ATP6V0A1: variants seen among roughly 807,000 people sequenced by gnomAD.
ATP6V0A1 encodes the protein V-type proton ATPase 116 kDa subunit a 1.
Under a neutral mutation model 105.4 loss-of-function variants are expected in ATP6V0A1, and 43 were observed. The ratio of observed to expected loss-of-function variants is 0.41; its 90% CI spans 0.32 to 0.53. ATP6V0A1 has a LOEUF of 0.53. Ranked by LOEUF, ATP6V0A1 falls within the 20% of genes least tolerant of loss-of-function variation. The probability of loss-of-function intolerance (pLI) is 0.30; values close to 1 mark genes in which losing one functional copy is unlikely to be tolerated. For synonymous variants in ATP6V0A1, 362 were observed against 372.8 expected, an observed-to-expected ratio of 0.97 and a Z score of 0.33; for missense variants, 676 against 1,051.1, an observed-to-expected ratio of 0.64 and a Z score of 4.93.
chr17:42,466,241 G>A lies in ATP6V0A1; in HGVS notation c.118-188G>A, dbSNP rs552701369. ...CAGTAATGTTGCAGCAACGAGGGAG[G>A]AAGTTTTTATCCTTAGCTGGTGTGA... On this transcript the variant is annotated intron_variant, in intron 2 of 21. Coordinates refer to ENST00000343619, the MANE Select transcript of ATP6V0A1 (RefSeq NM_001130021.3). 2.6e-5 allele frequency among the ~76,000 whole-genome samples: 4 copies of A among 152,298 alleles called. No individual in the cohort carries two copies. In the East Asian group the frequency reaches 7.7e-4, roughly 29 times the overall value.
At chr17:42,476,821 TTA>T (rs1290124634) in intron 5 of ATP6V0A1, among the ~76,000 whole-genome samples, 1 of 152,218 alleles carries the variant, frequency 6.6e-6, no homozygotes, top group Non-Finnish European at 1.5e-5. Context: ...TTCCTTCACT[TTA>T]CTTGATTCTT....
chr17:42,515,037 G>A (rs1482109350), intron 21 of ATP6V0A1, among the ~76,000 whole-genome samples: 1 of 152,118 alleles, frequency 6.6e-6, no homozygotes, highest in Non-Finnish European at 1.5e-5. Context: ...GGTTCTGTTT[G>A]TTTTCTTTAA....
intron 17 of ATP6V0A1, among the ~76,000 whole-genome samples, chr17:42,505,529 G>A (rs375607004): frequency 3.3e-5 from 5 of 150,094 alleles, no homozygotes; most frequent in African/African-American, 5.0e-5. Flanking sequence ...TAGGAGAGAC[G>A]GGGTTTCACC....
intron 19 of ATP6V0A1, chr17:42,513,645 C>T (rs1041558346): frequency 1.9e-5 from 11 of 565,590 alleles, no homozygotes; most frequent in South Asian, 8.3e-5. Flanking sequence ...CAGGTGAGGG[C>T]TAAGTCAGGC....
chr17:42,491,667 G>A (rs566599760), intron 11 of ATP6V0A1, among the ~76,000 whole-genome samples: 27 of 152,204 alleles, frequency 1.8e-4, no homozygotes, highest in African/African-American at 6.5e-4. Flanking sequence ...ATTTTTAGTC[G>A]AGACGGGGTT....
At chr17:42,495,557 C>T (rs1357709101) in intron 13 of ATP6V0A1, 69 bp from the exon 14 acceptor site, 3 of 1,210,176 alleles carry the variant, frequency 2.5e-6, no homozygotes, top group Non-Finnish European at 2.4e-6. Flanking sequence ...ATTTTGGGGT[C>T]AGTTTCTGGA....
chr17:42,487,328 C>T lies in ATP6V0A1; in HGVS notation c.984C>T (p.Thr328=), dbSNP rs753296379. ...TTGCAGAGGTCTGGTGCCCTGTCAC[C>T]GACCTTGACTCCATCCAGTTTGCAC... The part of the protein sequence containing the change: ...CLIAEVWCPV[T]DLDSIQFALR... Residue 328 remains threonine, a synonymous_variant, in exon 10 of 22, where the codon ACC becomes ACT. Transcript: ENST00000343619. The T allele has an allele frequency of 8.1e-6, 13 of 1,614,106 alleles. No individual in the cohort carries two copies. Among genetic ancestry groups the T allele is most frequent in the Admixed American group, 5.0e-5 (3 of 60,014 alleles).
chr17:42,461,153 G>C (rs965722898), intron 2 of ATP6V0A1, 142 bp downstream of exon 2: 1 of 739,884 alleles, frequency 1.4e-6, no homozygotes, highest in Non-Finnish European at 2.3e-6. Context: ...TGCACATTTT[G>C]AGTTGTCTTT....
chr17:42,466,684 A>C (rs1242363184), intron 3 of ATP6V0A1, among the ~76,000 whole-genome samples, 177 bp downstream of exon 3: 1 of 152,240 alleles, frequency 6.6e-6, no homozygotes, highest in Non-Finnish European at 1.5e-5. Context: ...CTTTGGGCTA[A>C]GTAGTGCTTA....
chr17:42,518,404 C>G (rs1210728946), intron 21 of ATP6V0A1: 1 of 152,258 alleles, frequency 6.6e-6, no homozygotes, highest in East Asian at 1.9e-4. Context: ...AATGTAGTTC[C>G]AGGCTGCCAT....
intron 5 of ATP6V0A1, among the ~76,000 whole-genome samples, chr17:42,476,793 G>A (rs1440995400): frequency 6.6e-6 from 1 of 152,068 alleles, no homozygotes; most frequent in African/African-American, 2.4e-5. Context: ...CTCTAGTTTG[G>A]TTTATTATCT....
rs2090013471 is a variant in ATP6V0A1, at chr17:42,485,493, G to A, written c.811-1662G>A. 2.0e-5 allele frequency among the ~76,000 whole-genome samples: 3 copies of A among 152,140 alleles called. No individual in the cohort carries two copies. In the East Asian group the frequency reaches 5.8e-4, roughly 29 times the overall value. ...ACGGCAAATAGAACATTGCTTGCTA[G>A]TTTCTTTAGCATCCTTCTAGAAGAA... On this transcript the variant is annotated intron_variant, in intron 9 of 21. Coordinates refer to ENST00000343619, the MANE Select transcript of ATP6V0A1 (RefSeq NM_001130021.3).
intron 10 of ATP6V0A1, among the ~76,000 whole-genome samples, chr17:42,489,148 C>G (rs1273387779): frequency 6.6e-6 from 1 of 150,510 alleles, no homozygotes; most frequent in Non-Finnish European, 1.5e-5. Context: ...TCTCGGCTCA[C>G]TGCAACCTCC....
intron 10 of ATP6V0A1, 25 bp downstream of exon 10, chr17:42,487,392 A>C (rs772926769): frequency 2.0e-4 from 320 of 1,608,710 alleles, no homozygotes; most frequent in Admixed American, 4.0e-4. Context: ...CTAACAATGC[A>C]GCTCGTGGCC....
chr17:42,506,144 T>G (rs1046636824), intron 17 of ATP6V0A1, among the ~76,000 whole-genome samples: 1 of 152,200 alleles, frequency 6.6e-6, no homozygotes, highest in Non-Finnish European at 1.5e-5. Context: ...GCAGTGGGAT[T>G]GCTGAATCTC....
In ATP6V0A1 at chr17:42,507,246, G is replaced by T; in HGVS notation, c.2005-274G>T. ...GGATTCTCAATTAGTGTTGACCCAG[G>T]TGAGGCTGGTGCCTCTTGGCACAGC... On this transcript the variant is annotated intron_variant, in intron 17 of 21. Coordinates refer to ENST00000343619, the MANE Select transcript of ATP6V0A1 (RefSeq NM_001130021.3). The T allele has an allele frequency of 8.9e-6, 3 of 338,816 alleles. No individual in the cohort carries two copies. In the South Asian group the frequency reaches 1.1e-4, roughly 12 times the overall value. 21.0% of individuals were successfully genotyped at this position (338,816 alleles called of 1,614,324 possible).
At chr17:42,486,101 G>C (rs576880818) in intron 9 of ATP6V0A1, among the ~76,000 whole-genome samples, 8 of 152,254 alleles carry the variant, frequency 5.3e-5, no homozygotes, top group African/African-American at 1.9e-4. Flanking sequence ...AACAGGCTTA[G>C]CCACACCTGC....
At chr17:42,481,902 C>T (rs1210684920) in intron 8 of ATP6V0A1, among the ~76,000 whole-genome samples, 2 of 152,132 alleles carry the variant, frequency 1.3e-5, no homozygotes, top group African/African-American at 4.8e-5. Flanking sequence ...AGTGCAGTGG[C>T]ACAATCACAG....
chr17:42,488,299 G>C (rs1012484538), intron 10 of ATP6V0A1, among the ~76,000 whole-genome samples: 5 of 152,174 alleles, frequency 3.3e-5, no homozygotes, highest in African/African-American at 1.2e-4. Flanking sequence ...GATTTACAGT[G>C]GGTTAGCTGA....
Sources: allele counts gnomAD v4.1 joint callset (sites outside exome capture counted in the v4.1 genomes callset), GRCh38; gene constraint gnomAD v4.1.1; transcripts MANE v1.5; gene names NCBI Gene and HGNC (gene_info 2026-07-23, HGNC 2026-07-21).